The following BACH1 variants were observed in gnomAD, a reference collection of about 807,000 sequenced individuals.
BACH1 encodes transcription regulator protein BACH1.
Under a neutral mutation model 52.9 loss-of-function variants are expected in BACH1, and 35 were observed. The observed-to-expected ratio is 0.66, with a 90% confidence interval of 0.51 to 0.88. The LOEUF (loss-of-function observed/expected upper bound fraction) is 0.88, where lower values mean the gene tolerates loss of function less well. Among genes scored for constraint, BACH1 ranks in the 40% least tolerant of loss-of-function variants. The probability of loss-of-function intolerance (pLI) is 0.00; values close to 1 mark genes in which losing one functional copy is unlikely to be tolerated. For missense variants in BACH1, 808 were observed against 872.6 expected, an observed-to-expected ratio of 0.93 and a Z score of 0.93; for synonymous variants, 321 against 319.6, an observed-to-expected ratio of 1.00 and a Z score of -0.05.
At chr21:29,338,850 T>A (rs1326206716) in intron 4 of BACH1, among the ~76,000 whole-genome samples, 2 of 152,202 alleles carry the variant, frequency 1.3e-5, no homozygotes, top group Non-Finnish European at 2.9e-5. Context: ...CCTGTGTTTC[T>A]TTTCTAAAAA....
At chr21:29,319,559 G>A (rs1184048236) in intron 1 of BACH1, among the ~76,000 whole-genome samples, 1 of 151,658 alleles carries the variant, frequency 6.6e-6, no homozygotes, top group Non-Finnish European at 1.5e-5. Context: ...AGTACCAAGA[G>A]CCTGCGACTG....
intron 4 of BACH1, among the ~76,000 whole-genome samples, chr21:29,337,468 T>G (rs1299403746): frequency 6.6e-6 from 1 of 152,368 alleles, no homozygotes; most frequent in East Asian, 1.9e-4. Context: ...ATAGAGCTTT[T>G]GTCTTCACTT....
chr21:29,318,338 A>T (rs2088811515), intron 1 of BACH1, among the ~76,000 whole-genome samples: 1 of 152,148 alleles, frequency 6.6e-6, no homozygotes, highest in South Asian at 2.1e-4. Context: ...AAGAGATTGG[A>T]TAGAGGTGCC....
At chr21:29,349,606 G>A (rs1279913581), downstream of BACH1, among the ~76,000 whole-genome samples, 1 of 152,170 alleles carries the variant, frequency 6.6e-6, no homozygotes, top group African/African-American at 2.4e-5. Context: ...TTGGGTTTAA[G>A]ATCATGGGTA....
chr21:29,360,029 A>T (rs183617223), intron 2 of BACH1, among the ~76,000 whole-genome samples: 3 of 152,326 alleles, frequency 2.0e-5, no homozygotes, highest in South Asian at 2.1e-4. Flanking sequence ...TGAAAGGCTG[A>T]TCGAAGACCC....
At chr21:29,315,253 A>T (rs2123424252) in intron 1 of BACH1, among the ~76,000 whole-genome samples, 1 of 152,324 alleles carries the variant, frequency 6.6e-6, no homozygotes, top group Middle Eastern at 3.4e-3. Flanking sequence ...AACTTTGGGT[A>T]TCTTAGGTGT....
intron 3 of BACH1, 97 bp from the exon 4 acceptor site, chr21:29,329,390 G>A (rs1601358150): frequency 3.0e-6 from 3 of 1,014,864 alleles, no homozygotes; most frequent in Admixed American, 3.5e-5. Flanking sequence ...TGTAAAATAA[G>A]TTCTCTGAAA....
intron 3 of BACH1, 150 bp from the exon 4 acceptor site, chr21:29,329,337 G>GC: frequency 2.1e-6 from 1 of 484,666 alleles, no homozygotes; most frequent in Non-Finnish European, 3.3e-6. Flanking sequence ...ATATCCTTTT[G>GC]AGATTGTATA....
At position 29,343,926 on chromosome 21, in the gene BACH1, A is replaced by G. The variant is rs991593763; in HGVS notation, c.*1093A>G. ...ATAGGATGAAACTCAATCTTTTTCT[A>G]TTGTGGGTTTGCATTTGAAAAGCAG... is the stretch of plus-strand genomic sequence containing the variant. On this transcript the variant is annotated 3_prime_UTR_variant, in exon 5 of 5. Transcript: ENST00000286800. 1 of 152,204 alleles carries G rather than the reference A, an allele frequency of 6.6e-6. No homozygotes were observed. The highest frequency in any genetic ancestry group is 1.5e-5 in the Non-Finnish European group (1 of 68,036). The allele number at this position is 152,204 out of a possible 1,614,324, so 9.4% of individuals were successfully genotyped here.
chr21:29,349,732 G>A (rs1443036460), downstream of BACH1, among the ~76,000 whole-genome samples: 1 of 152,022 alleles, frequency 6.6e-6, no homozygotes, highest in Non-Finnish European at 1.5e-5. Context: ...ACAGCCTTTG[G>A]GTGCACCAGG....
At chr21:29,356,254 G>A (rs577906035) in intron 2 of BACH1, among the ~76,000 whole-genome samples, 1 of 152,316 alleles carries the variant, frequency 6.6e-6, no homozygotes, top group South Asian at 2.1e-4. Flanking sequence ...TTAGAAGTTA[G>A]TACAATACAT....
intron 1 of BACH1, among the ~76,000 whole-genome samples, chr21:29,317,758 A>G (rs752305443): frequency 7.9e-5 from 12 of 152,242 alleles, no homozygotes; most frequent in Non-Finnish European, 1.6e-4. Flanking sequence ...ATCACCACTA[A>G]TAACAGCTAA....
At chr21:29,314,544 T>C (rs1294459857) in intron 1 of BACH1, among the ~76,000 whole-genome samples, 1 of 152,200 alleles carries the variant, frequency 6.6e-6, no homozygotes, top group East Asian at 1.9e-4. Context: ...GTATGGGACC[T>C]CACATGATGT....
intron 1 of BACH1, chr21:29,300,261 T>C (rs532758135): frequency 6.9e-4 from 105 of 152,348 alleles, no homozygotes; most frequent in African/African-American, 2.5e-3. Context: ...GGTTTACTGT[T>C]GTTCGGTATG....
intron 4 of BACH1, among the ~76,000 whole-genome samples, chr21:29,336,388 A>G (rs2089044311): frequency 6.6e-6 from 1 of 152,106 alleles, no homozygotes; most frequent in South Asian, 2.1e-4. Context: ...CAGTGTCAGT[A>G]TTGTCGTACC....
chr21:29,326,249 GA>G lies in BACH1; in HGVS notation c.432del (p.Lys144AsnfsTer22), dbSNP rs748639705. 1.2e-6 allele frequency: 2 copies of G among 1,613,106 alleles called. No homozygotes were observed. The highest frequency in any genetic ancestry group is 1.7e-6 in the Non-Finnish European group (2 of 1,179,778). On this transcript the variant is annotated frameshift_variant, in exon 3 of 5. Transcript: ENST00000286800. LOFTEE classifies it high-confidence loss of function. ...DSTADQQECPRKKCFSSHCQK... is the reference protein window; with the variant it reads ...DSTADQQECPXKKCFSSHCQK... ...ACTGCAGACCAGCAAGAATGCCCAAGAAAAAAATGCTTTTCATCACACTGTC... is the reference window on the plus strand; with the variant it reads ...ACTGCAGACCAGCAAGAATGCCCAAGAAAAAATGCTTTTCATCACACTGTC...
intron 1 of BACH1, among the ~76,000 whole-genome samples, chr21:29,308,347 G>C (rs2088681901): frequency 6.6e-6 from 1 of 152,172 alleles, no homozygotes; most frequent in Admixed American, 6.5e-5. Flanking sequence ...TAGTGGATTA[G>C]GTTGTTTTTA....
intron 4 of BACH1, among the ~76,000 whole-genome samples, chr21:29,330,904 A>C (rs762356056): frequency 2.0e-5 from 3 of 151,768 alleles, no homozygotes; most frequent in Non-Finnish European, 4.4e-5. Flanking sequence ...AGCATAACTA[A>C]ATAAAAAATA....
chr21:29,350,655 T>C (rs1030162846), downstream of BACH1, among the ~76,000 whole-genome samples: 1 of 152,320 alleles, frequency 6.6e-6, no homozygotes, highest in Non-Finnish European at 1.5e-5. Context: ...AGAGGAAGAA[T>C]GGCCATGCAG....
Sources: allele counts gnomAD v4.1 joint callset (sites outside exome capture counted in the v4.1 genomes callset), GRCh38; gene constraint gnomAD v4.1.1; transcripts MANE v1.5; gene names NCBI Gene and HGNC (gene_info 2026-07-23, HGNC 2026-07-21).